ONECUT3: variants seen among roughly 807,000 people sequenced by gnomAD.
ONECUT3 encodes one cut domain family member 3.
Under a neutral mutation model 16.8 loss-of-function variants are expected in ONECUT3, and 11 were observed. That is an observed-to-expected ratio of 0.66 (90% CI 0.41 to 1.09). The LOEUF is 1.09. Among genes scored for constraint, ONECUT3 ranks in the 50% least tolerant of loss-of-function variants. The pLI, the probability that ONECUT3 is intolerant of heterozygous loss-of-function variation, is 0.00. For synonymous variants in ONECUT3, 344 were observed against 310.7 expected (o/e 1.11, Z -1.13); for missense variants, 637 against 629.9 (o/e 1.01, Z -0.12).
At position 1,754,738 on chromosome 19, in the gene ONECUT3, T is replaced by C; in HGVS notation, c.1076T>C (p.Leu359Pro). Residue 359 changes from leucine to proline, a missense_variant, in exon 1 of 2, where the codon CTG (leucine) becomes CCG (proline). Coordinates refer to ENST00000382349, the MANE Select transcript of ONECUT3 (RefSeq NM_001080488.2). This position sits in a 1 kb window ranked among gnomAD's most constrained non-coding sequence, Gnocchi z 7.4. ...CGCTCTCAGGGCACGCTCTCCGACC[T>C]GCTGCGCAACCCCAAGCCGTGGAGC... ...LCRSQGTLSD[L>P]LRNPKPWSKL... 6.4e-7 allele frequency: 1 copy of C among 1,561,258 alleles called. No individual in the cohort carries two copies. The highest frequency in any genetic ancestry group is 8.6e-7 in the Non-Finnish European group (1 of 1,156,186).
rs1277550240 is a variant in ONECUT3 at position 1,758,295 on chromosome 19, G to A, written c.1192+3441G>A. On this transcript the variant is annotated intron_variant, in intron 1 of 1. Transcript: ENST00000382349. This position sits in a 1 kb window ranked among gnomAD's most constrained non-coding sequence, Gnocchi z 5.9. ...AAGGAGAGACGAAAAGAGAGGCAGAGAGACCAAAAAAAAAAAAAAAAGAGA... is the reference window on the plus strand; with the variant it reads ...AAGGAGAGACGAAAAGAGAGGCAGAAAGACCAAAAAAAAAAAAAAAAGAGA... Among the ~76,000 whole-genome samples the A allele has an allele frequency of 3.2e-5, 3 of 92,504 alleles. No homozygotes were observed. Among genetic ancestry groups the A allele is most frequent in the South Asian group, 4.6e-4 (1 of 2,176 alleles). 60.7% of individuals were successfully genotyped at this position (92,504 alleles called of 152,430 possible). A position where few individuals can be genotyped will look rare whatever the true frequency, so the allele number is the denominator to read the frequency against.
At chr19:1,770,298 G>A (rs1433567240) in intron 1 of ONECUT3, among the ~76,000 whole-genome samples, 4 of 152,120 alleles carry the variant, frequency 2.6e-5, no homozygotes, top group Admixed American at 2.0e-4. Flanking sequence ...TTAGCCAGAT[G>A]TGGTGATGTG....
Position 1,777,957 on chromosome 19 carries a change from TA to T in ONECUT3, c.*2513del, listed in dbSNP as rs1317590884. The T allele has an allele frequency of 8.5e-6, 1 of 118,050 alleles. No individual in the cohort carries two copies. The highest frequency in any genetic ancestry group is 1.6e-5 in the Non-Finnish European group (1 of 63,126). The allele number at this position is 118,050 out of a possible 1,614,324, so 7.3% of individuals were successfully genotyped here. A position where few individuals can be genotyped will look rare whatever the true frequency, so the allele number is the denominator to read the frequency against. ...TTGCAGTGAGCCGAGATTGCGCCACTACACTCTAGCCTGGGCAACGAGAGCA... is the reference window on the plus strand; with the variant it reads ...TTGCAGTGAGCCGAGATTGCGCCACTCACTCTAGCCTGGGCAACGAGAGCA... On this transcript the variant is annotated 3_prime_UTR_variant, in exon 2 of 2. Coordinates refer to ENST00000382349, the MANE Select transcript of ONECUT3 (RefSeq NM_001080488.2).
Position 1,779,312 on chromosome 19 carries a change from G to A in ONECUT3, c.*3867G>A, listed in dbSNP as rs1382387985. The A allele has an allele frequency of 2.0e-5, 3 of 152,160 alleles. No individual in the cohort carries two copies. Among genetic ancestry groups the A allele is most frequent in the African/African-American group, 2.4e-5 (1 of 41,432 alleles). The allele number at this position is 152,160 out of a possible 1,614,324, so 9.4% of individuals were successfully genotyped here. On this transcript the variant is annotated 3_prime_UTR_variant, in exon 2 of 2. Transcript: ENST00000382349. ...GACCAGAGGGAAAGTTAGAGGGAGC[G>A]TGATCGCGAGAGAGACTGCGGCAGA...
At chr19:1,756,481 C>A (rs148347678) in intron 1 of ONECUT3, among the ~76,000 whole-genome samples, 186 of 152,254 alleles carry the variant, frequency 1.2e-3, no homozygotes, top group African/African-American at 4.4e-3. Context: ...CAGCCACGGC[C>A]CTCGAGGTGC....
Position 1,777,995 on chromosome 19 carries a change from CAAAAAAAAA to C in ONECUT3, c.*2565_*2573del, listed in dbSNP as rs71174386. ...GGGCAACGAGAGCAAAACTCCCTCT[CAAAAAAAAA>C]AAAAAAAAAAAAAACTTTAGGTCCA... On this transcript the variant is annotated 3_prime_UTR_variant, in exon 2 of 2. Coordinates refer to ENST00000382349, the MANE Select transcript of ONECUT3 (RefSeq NM_001080488.2). 2.3e-5 allele frequency: 1 copy of C among 44,162 alleles called. No individual in the cohort carries two copies. The highest frequency in any genetic ancestry group is 4.3e-5 in the Non-Finnish European group (1 of 23,008). 2.7% of individuals were successfully genotyped at this position (44,162 alleles called of 1,614,324 possible).
rs534119609 is a variant in ONECUT3, at chr19:1,779,529, T to C, written c.*4084T>C. 6.6e-6 allele frequency: 1 copy of C among 151,580 alleles called. No homozygotes were observed. The highest frequency in any genetic ancestry group is 2.1e-4 in the South Asian group (1 of 4,792). 9.4% of individuals were successfully genotyped at this position (151,580 alleles called of 1,614,324 possible). On this transcript the variant is annotated 3_prime_UTR_variant, in exon 2 of 2. Coordinates refer to ENST00000382349, the MANE Select transcript of ONECUT3 (RefSeq NM_001080488.2). ...TTTCTGGAGTCATGTCTTATAAGAG[T>C]ATTTATTATTCTCTGTGTTCTGTGT...
intron 1 of ONECUT3, among the ~76,000 whole-genome samples, chr19:1,773,004 A>G (rs571756184): frequency 6.6e-6 from 1 of 151,882 alleles, no homozygotes; most frequent in South Asian, 2.1e-4. Flanking sequence ...CGCCCGGCCA[A>G]TATCTGCTTA....
In ONECUT3 at chr19:1,775,193, C is replaced by T. The variant is rs770739867; in HGVS notation, c.1233C>T (p.Ala411=). The change falls in exon 2 of 2, where the codon GCC becomes GCT. Residue 411 remains alanine (A), a synonymous_variant. Transcript: ENST00000382349. ...RKEQEQQKER[A]LQPKKQRLVF... ...AACAGGAGCAGCAGAAGGAGCGCGC[C>T]CTGCAGCCCAAGAAGCAGCGCCTGG... is the stretch of plus-strand genomic sequence containing the variant. 1.8e-5 allele frequency: 28 copies of T among 1,535,302 alleles called. No homozygotes were observed. The highest frequency in any genetic ancestry group is 2.4e-5 in the Non-Finnish European group (27 of 1,138,264).
chr19:1,754,326 C>T lies in ONECUT3; in HGVS notation c.664C>T (p.Pro222Ser), dbSNP rs1479682878. 5.7e-6 allele frequency: 6 copies of T among 1,060,962 alleles called. No individual in the cohort carries two copies. Among genetic ancestry groups the T allele is most frequent in the Non-Finnish European group, 6.8e-6 (6 of 882,540 alleles). 65.7% of individuals were successfully genotyped at this position (1,060,962 alleles called of 1,614,324 possible). A position where few individuals can be genotyped will look rare whatever the true frequency, so the allele number is the denominator to read the frequency against. ...GAPQPPPPPP[P>S]PPLAAYGPPG... ...CCCGCAGCCCCCGCCGCCGCCACCA[C>T]CCCCGCCGCTGGCCGCCTACGGCCC... Residue 222 changes from proline (P) to serine (S), a missense_variant, in exon 1 of 2, where the codon CCC becomes TCC. Physicochemically the swap from Pro to Ser is moderately conservative, Grantham distance 74. This residue lies in a region of ONECUT3 where 419 missense variants were observed against 377.9 expected (regional missense o/e 1.11). Coordinates refer to ENST00000382349, the MANE Select transcript of ONECUT3 (RefSeq NM_001080488.2). The surrounding 1 kb of genome is among the most constrained non-coding windows in gnomAD (Gnocchi z 7.4).
chr19:1,763,725 C>CTTT (rs1353515219), intron 1 of ONECUT3, among the ~76,000 whole-genome samples: 9 of 122,648 alleles, frequency 7.3e-5, no homozygotes, highest in East Asian at 5.0e-4. Context: ...TTTTATTTCC[C>CTTT]TTTTTTGTTT....
chr19:1,770,721 G>A (rs1045474339), intron 1 of ONECUT3, among the ~76,000 whole-genome samples: 3 of 152,338 alleles, frequency 2.0e-5, no homozygotes, highest in African/African-American at 7.2e-5. Flanking sequence ...GTCCTCTCCT[G>A]TAATCCTCAT....
At chr19:1,769,941 G>A (rs2068038613) in intron 1 of ONECUT3, among the ~76,000 whole-genome samples, 1 of 152,096 alleles carries the variant, frequency 6.6e-6, no homozygotes, top group Admixed American at 6.5e-5. Flanking sequence ...TGGGAGGTGG[G>A]GTGGGAAAGG....
intron 1 of ONECUT3, among the ~76,000 whole-genome samples, chr19:1,757,065 A>G (rs1419954829): frequency 6.8e-6 from 1 of 146,684 alleles, no homozygotes; most frequent in Non-Finnish European, 1.5e-5. Flanking sequence ...GGAATTGCAG[A>G]TTTGGGGGCC....
rs985372553 is a variant in ONECUT3 at position 1,777,279 on chromosome 19, A to C, written c.*1834A>C. The C allele has an allele frequency of 3.3e-5, 5 of 151,566 alleles. No individual in the cohort carries two copies. Among genetic ancestry groups the C allele is most frequent in the African/African-American group, 1.2e-4 (5 of 41,368 alleles). 9.4% of individuals were successfully genotyped at this position (151,566 alleles called of 1,614,324 possible). A position where few individuals can be genotyped will look rare whatever the true frequency, so the allele number is the denominator to read the frequency against. ...CAGCACCGCACCTCTCTACCCCCCC[A>C]CAGACACACATGCAGACACACACAT... is the stretch of plus-strand genomic sequence containing the variant. On this transcript the variant is annotated 3_prime_UTR_variant, in exon 2 of 2. Coordinates refer to ENST00000382349, the MANE Select transcript of ONECUT3 (RefSeq NM_001080488.2).
rs2068025734 is a variant in ONECUT3, at chr19:1,769,008, T to TGGAAGTGGAGGTGGAGGTGAC, written c.1193-6143_1193-6142insAAGTGGAGGTGGAGGTGACGG. On this transcript the variant is annotated intron_variant, in intron 1 of 1. Transcript: ENST00000382349. ...GTGGAGGTGGAGGTGATGGTGGAGG[T>TGGAAGTGGAGGTGGAGGTGAC]GGTGGAGGTGGAAGTGGAGGTGGAG... 2.6e-4 allele frequency among the ~76,000 whole-genome samples: 13 copies of TGGAAGTGGAGGTGGAGGTGAC among 50,384 alleles called. 1 individual carries two copies. Among genetic ancestry groups the TGGAAGTGGAGGTGGAGGTGAC allele is most frequent in the African/African-American group, 7.3e-4 (11 of 15,072 alleles). 33.1% of individuals were successfully genotyped at this position (50,384 alleles called of 152,430 possible). A position where few individuals can be genotyped will look rare whatever the true frequency, so the allele number is the denominator to read the frequency against.
chr19:1,778,601 G>C lies in ONECUT3; in HGVS notation c.*3156G>C, dbSNP rs1305670007. ...AGGGTAACACGCTAGGGGGCCTCCA[G>C]TTTTGTCCCCTGCTGGAAATTTAGG... On this transcript the variant is annotated 3_prime_UTR_variant, in exon 2 of 2. Coordinates refer to ENST00000382349, the MANE Select transcript of ONECUT3 (RefSeq NM_001080488.2). The C allele has an allele frequency of 6.6e-6, 1 of 152,156 alleles. No individual in the cohort carries two copies. Among genetic ancestry groups the C allele is most frequent in the African/African-American group, 2.4e-5 (1 of 41,362 alleles). 9.4% of individuals were successfully genotyped at this position (152,156 alleles called of 1,614,324 possible).
At chr19:1,763,489 T>C (rs116234552) in intron 1 of ONECUT3, among the ~76,000 whole-genome samples, 1 of 150,160 alleles carries the variant, frequency 6.7e-6, no homozygotes, top group Non-Finnish European at 1.5e-5. Context: ...GAGGCTGCAG[T>C]GAGACATGAC....
intron 1 of ONECUT3, among the ~76,000 whole-genome samples, chr19:1,771,700 G>C (rs928409234): frequency 1.3e-5 from 2 of 152,098 alleles, no homozygotes; most frequent in African/African-American, 4.8e-5. Context: ...TTTTTTTAGA[G>C]CTGGGGTCTC....
Sources: allele counts gnomAD v4.1 joint callset (sites outside exome capture counted in the v4.1 genomes callset), GRCh38; gene constraint gnomAD v4.1.1; regional missense constraint gnomAD v4.1.1; non-coding constraint Gnocchi (gnomAD v3.1); transcripts MANE v1.5; gene names NCBI Gene and HGNC (gene_info 2026-07-23, HGNC 2026-07-21).